The following PRDM1 variants were observed in gnomAD, a reference collection of about 807,000 sequenced individuals.
The protein encoded by PRDM1 is PR domain zinc finger protein 1.
Under a neutral mutation model 62.8 loss-of-function variants are expected in PRDM1, and 13 were observed. That is an observed-to-expected ratio of 0.21 (90% CI 0.13 to 0.33). PRDM1 has a LOEUF of 0.33. PRDM1 is among the 10% of genes least tolerant of loss of function. The pLI, the probability that PRDM1 is intolerant of heterozygous loss-of-function variation, is 1.00. For missense variants in PRDM1, 895 were observed against 1,058.8 expected (o/e 0.85, Z 2.15); for synonymous variants, 396 against 417.6 (o/e 0.95, Z 0.63).
chr6:106,068,178 G>T (rs544178478), intron 1 of PRDM1, among the ~76,000 whole-genome samples: 1 of 148,664 alleles, frequency 6.7e-6, no homozygotes, highest in Non-Finnish European at 1.5e-5. Context: ...TGCAACCTCT[G>T]CCTCCTGAGT....
At chr6:106,041,146 G>A (rs1469297488) in intron 1 of PRDM1, among the ~76,000 whole-genome samples, 1 of 152,148 alleles carries the variant, frequency 6.6e-6, no homozygotes, top group Non-Finnish European at 1.5e-5. Context: ...AATTCTGTTT[G>A]TTCTCTCTCC....
chr6:106,039,996 A>G (rs1019175490), intron 1 of PRDM1, among the ~76,000 whole-genome samples: 1 of 152,218 alleles, frequency 6.6e-6, no homozygotes, highest in African/African-American at 2.4e-5. Context: ...TCCCTTTACA[A>G]TACCCACACC....
intron 1 of PRDM1, among the ~76,000 whole-genome samples, chr6:106,065,019 T>C (rs539267476): frequency 7.9e-5 from 12 of 152,310 alleles, no homozygotes; most frequent in African/African-American, 2.9e-4. Flanking sequence ...CACAGACTGC[T>C]GGAATGGCTG....
At chr6:106,089,005 T>G (rs1039597641) in intron 2 of PRDM1, among the ~76,000 whole-genome samples, 1 of 152,188 alleles carries the variant, frequency 6.6e-6, no homozygotes, top group African/African-American at 2.4e-5. Flanking sequence ...TCTGGATGAC[T>G]TCAGAGCTAA....
chr6:105,999,175 G>A (rs1250759131), intron 1 of PRDM1, among the ~76,000 whole-genome samples: 2 of 151,714 alleles, frequency 1.3e-5, no homozygotes, highest in African/African-American at 2.4e-5. Flanking sequence ...CTGGGCTCAA[G>A]TGATCCTTTT....
In PRDM1 at chr6:106,034,635, C is replaced by CTCTTTTTTTTT. The variant is rs745833853; in HGVS notation, c.-67+40997_-67+40998insCTTTTTTTTTT. 2.0e-4 allele frequency among the ~76,000 whole-genome samples: 18 copies of CTCTTTTTTTTT among 88,410 alleles called. 2 individuals are homozygous for CTCTTTTTTTTT. Among genetic ancestry groups the CTCTTTTTTTTT allele is most frequent in the Admixed American group, 4.8e-4 (3 of 6,292 alleles). 58.0% of individuals were successfully genotyped at this position (88,410 alleles called of 152,430 possible). Reference sequence around the variant, plus strand: ...TCTTACAGTCTTTCATGTTCTCTCTCTTTTTTTTTTTTTTTTTTTGAGATG... The same window carrying CTCTTTTTTTTT: ...TCTTACAGTCTTTCATGTTCTCTCTCTCTTTTTTTTTTTTTTTTTTTTTTTTTTTTGAGATG... On this transcript the variant is annotated intron_variant, in intron 1 of 6. Coordinates refer to the PRDM1 transcript ENST00000652320.
intron 1 of PRDM1, among the ~76,000 whole-genome samples, chr6:106,014,624 C>T (rs993088543): frequency 1.0e-4 from 15 of 149,970 alleles, no homozygotes; most frequent in South Asian, 4.2e-4. Flanking sequence ...ATCAATAAAA[C>T]GATGATAGAT....
At position 106,105,185 on chromosome 6, in the gene PRDM1, G is replaced by C. The variant is rs2114653080; in HGVS notation, c.1025G>C (p.Ser342Thr). The C allele has an allele frequency of 6.2e-7, 1 of 1,613,416 alleles. No individual in the cohort carries two copies. Among genetic ancestry groups the C allele is most frequent in the South Asian group, 1.1e-5 (1 of 91,042 alleles). The change falls in exon 5 of 7, where the codon AGC becomes ACC. Residue 342 changes from serine (S) to threonine (T), a missense_variant. Ser to Thr is a moderately conservative substitution (Grantham distance 58). Around this residue, in one of 4 missense-constraint regions of PRDM1, gnomAD observed 444 missense variants for 422.7 expected, o/e 1.05. Coordinates refer to ENST00000369096, the MANE Select transcript of PRDM1 (RefSeq NM_001198.4). The part of the protein sequence containing the change: ...STTPSPSARS[S>T]PDQSLKSSSP... ...ACTCCAAGCCCCTCTGCAAGAAGCA[G>C]CCCCGACCAAAGCCTCAAGAGCTCC...
At chr6:106,090,728 C>T (rs1209280548) in intron 2 of PRDM1, among the ~76,000 whole-genome samples, 2 of 152,122 alleles carry the variant, frequency 1.3e-5, no homozygotes, top group African/African-American at 4.8e-5. Flanking sequence ...TCTACATGTA[C>T]TTTTTATCTG....
At chr6:106,013,186 A>G (rs1307215552) in intron 1 of PRDM1, among the ~76,000 whole-genome samples, 4 of 150,910 alleles carry the variant, frequency 2.7e-5, no homozygotes, top group African/African-American at 7.3e-5. Flanking sequence ...GCCTGGCCAT[A>G]CTCTTCAACA....
chr6:106,051,259 T>C (rs1773169260), intron 1 of PRDM1, among the ~76,000 whole-genome samples: 1 of 152,264 alleles, frequency 6.6e-6, no homozygotes, highest in African/African-American at 2.4e-5. Context: ...TCCTTGTTAA[T>C]TGTTAACTCT....
chr6:106,077,330 T>C (rs891477496), intron 1 of PRDM1, among the ~76,000 whole-genome samples: 3 of 152,176 alleles, frequency 2.0e-5, no homozygotes, highest in African/African-American at 7.2e-5. Context: ...TGATTATGTA[T>C]AGCCTGGTAG....
At chr6:106,100,213 T>G (rs1399425259) in intron 4 of PRDM1, 9 of 152,410 alleles carry the variant, frequency 5.9e-5, no homozygotes, top group African/African-American at 2.2e-4. Context: ...GACCTCTCTC[T>G]GCAGAGGGCT....
chr6:106,058,663 C>T (rs1773299662), intron 1 of PRDM1, among the ~76,000 whole-genome samples: 2 of 152,170 alleles, frequency 1.3e-5, no homozygotes, highest in African/African-American at 4.8e-5. Context: ...ACCTCTGCCT[C>T]CTGGGTTCAA....
At chr6:106,064,690 T>C (rs1009089009) in intron 1 of PRDM1, among the ~76,000 whole-genome samples, 10 of 152,126 alleles carry the variant, frequency 6.6e-5, no homozygotes, top group African/African-American at 2.4e-4. Context: ...TGGTTCTCCT[T>C]GGTGAGAAGG....
In PRDM1 at chr6:106,106,309, C is replaced by T; in HGVS notation, c.1774-62C>T. ...TTGCATCAACACTTGAGTCTTGGAG[C>T]AGAAATGTTAGGTCTCAGAGCCAGC... On this transcript the variant is annotated intron_variant, in intron 5 of 6. Coordinates refer to ENST00000369096, the MANE Select transcript of PRDM1 (RefSeq NM_001198.4). The surrounding 1 kb of genome is among the most constrained non-coding windows in gnomAD (Gnocchi z 4.4). The T allele has an allele frequency of 6.3e-7, 1 of 1,591,412 alleles. No individual in the cohort carries two copies. The highest frequency in any genetic ancestry group is 8.6e-7 in the Non-Finnish European group (1 of 1,165,306).
At chr6:106,019,339 GTTAT>G (rs903712404) in intron 1 of PRDM1, among the ~76,000 whole-genome samples, 1 of 142,982 alleles carries the variant, frequency 7.0e-6, no homozygotes, top group African/African-American at 2.6e-5. Context: ...TGTTGTATAT[GTTAT>G]TTACTCATAT....
chr6:106,048,618 T>G (rs1773117849), exon 1 of PRDM1, among the ~76,000 whole-genome samples: 1 of 152,084 alleles, frequency 6.6e-6, no homozygotes, highest in Non-Finnish European at 1.5e-5. Flanking sequence ...GACAGCTGAG[T>G]TCAGTTAGTG....
At position 106,106,683 on chromosome 6, in the gene PRDM1, C is replaced by T. The variant is rs1392114210; in HGVS notation, c.1902+184C>T. ...CTGCTGATGACTTGAGATGGCACAG[C>T]CAGCTTCCAGTGGGTGGGAAAATGG... On this transcript the variant is annotated intron_variant, in intron 6 of 6. Coordinates refer to ENST00000369096, the MANE Select transcript of PRDM1 (RefSeq NM_001198.4). The surrounding 1 kb of genome is among the most constrained non-coding windows in gnomAD (Gnocchi z 4.4). Among the ~76,000 whole-genome samples, 1 of 152,190 alleles carries T rather than the reference C, an allele frequency of 6.6e-6. No individual in the cohort carries two copies. Among genetic ancestry groups the T allele is most frequent in the African/African-American group, 2.4e-5 (1 of 41,448 alleles).
Sources: gnomAD v4.1 joint callset for allele counts (sites outside exome capture counted in the v4.1 genomes callset) on GRCh38, gnomAD v4.1.1 for gene constraint, gnomAD v4.1.1 regional missense constraint, Gnocchi (gnomAD v3.1) non-coding constraint, MANE v1.5 for transcripts, NCBI Gene and HGNC (gene_info 2026-07-23, HGNC 2026-07-21) for gene names.